SPART: variants seen among roughly 807,000 people sequenced by gnomAD.
SPART encodes the protein spartin.
SPART carries 35 observed loss-of-function variants against 58.7 expected under a neutral mutation model. The ratio of observed to expected loss-of-function variants is 0.60; its 90% CI spans 0.46 to 0.79. The LOEUF (loss-of-function observed/expected upper bound fraction) is 0.79. Among genes scored for constraint, SPART ranks in the 30% least tolerant of loss-of-function variants. The pLI is 0.00. For missense variants in SPART, 730 were observed against 786.1 expected, an observed-to-expected ratio of 0.93 and a Z score of 0.85; for synonymous variants, 284 against 280.7, an observed-to-expected ratio of 1.01 and a Z score of -0.12.
intron 6 of SPART, chr13:36,313,859 G>T: frequency 3.6e-6 from 1 of 277,274 alleles, no homozygotes; most frequent in South Asian, 4.1e-5. Flanking sequence ...AACAATACAT[G>T]ACTTTACATT....
intron 1 of SPART, among the ~76,000 whole-genome samples, chr13:36,362,293 A>G (rs1001355714): frequency 1.3e-5 from 2 of 148,292 alleles, no homozygotes; most frequent in Non-Finnish European, 3.0e-5. Flanking sequence ...TGGAGGTTGC[A>G]GTGAGCTGCA....
chr13:36,348,891 C>G (rs1206686501), upstream of SPART, among the ~76,000 whole-genome samples: 1 of 152,114 alleles, frequency 6.6e-6, no homozygotes, highest in Non-Finnish European at 1.5e-5. Flanking sequence ...CCAGAATAGC[C>G]ACATGAGCAC....
At chr13:36,310,926 A>C (rs973975402) in intron 8 of SPART, among the ~76,000 whole-genome samples, 12 of 151,908 alleles carry the variant, frequency 7.9e-5, no homozygotes, top group Admixed American at 3.3e-4. Context: ...GCCCTCATGC[A>C]TACCGCTCTT....
At chr13:36,350,964 C>T (rs1288949836), upstream of SPART, among the ~76,000 whole-genome samples, 2 of 151,852 alleles carry the variant, frequency 1.3e-5, no homozygotes, top group Non-Finnish European at 2.9e-5. Flanking sequence ...GTATACATAC[C>T]CCGGTCAAAT....
At chr13:36,325,109 G>A (rs1000483757) in intron 5 of SPART, among the ~76,000 whole-genome samples, 1 of 152,156 alleles carries the variant, frequency 6.6e-6, no homozygotes, top group Non-Finnish European at 1.5e-5. Context: ...TGATGGCTTG[G>A]CTTGGGCTCA....
intron 2 of SPART, 125 bp from the exon 3 acceptor site, chr13:36,331,721 A>G (rs1370668163): frequency 1.4e-6 from 1 of 721,554 alleles, no homozygotes; most frequent in African/African-American, 1.8e-5. Flanking sequence ...CATATTTTAA[A>G]AGGCTTTAAG....
chr13:36,315,067 C>G (rs1443043571), intron 5 of SPART, among the ~76,000 whole-genome samples: 1 of 152,218 alleles, frequency 6.6e-6, no homozygotes, highest in Non-Finnish European at 1.5e-5. Context: ...TAGAGAAAAT[C>G]TAAAAGAAGA....
chr13:36,323,177 A>T (rs1882588176), intron 5 of SPART, among the ~76,000 whole-genome samples: 1 of 152,206 alleles, frequency 6.6e-6, no homozygotes, highest in Admixed American at 6.5e-5. Flanking sequence ...AGCATTCCAG[A>T]GTCCATCTGT....
rs531373065 is a variant in SPART, at chr13:36,352,572, C to T, written c.-2-16740G>A. ...AGACAGATAAATGAGAGAATACTTA[C>T]ACAGCATTTTGTAATACTGTCACTA... On this transcript the variant is annotated intron_variant, in intron 1 of 8. Coordinates refer to the SPART transcript ENST00000355182. Among the ~76,000 whole-genome samples the T allele has an allele frequency of 2.6e-5, 4 of 152,192 alleles. No homozygotes were observed. The South Asian group carries it at 8.3e-4, about 32-fold the overall frequency.
chr13:36,313,670 T>C lies in SPART; in HGVS notation c.1483+557A>G, dbSNP rs370390878. 2.7e-3 allele frequency among the ~76,000 whole-genome samples: 415 copies of C among 152,338 alleles called. 2 individuals carry two copies. Among genetic ancestry groups the C allele is most frequent in the Middle Eastern group, 0.01 (3 of 294 alleles). On this transcript the variant is annotated intron_variant, in intron 6 of 8. Coordinates refer to ENST00000438666, the MANE Select transcript of SPART (RefSeq NM_015087.5). Reference sequence around the variant, plus strand: ...AAATACTTACCATTGTGTTACAATTTCCTATAGTATTCAGTACAGTCACAT... The same window carrying C: ...AAATACTTACCATTGTGTTACAATTCCCTATAGTATTCAGTACAGTCACAT...
At chr13:36,316,709 A>G (rs1423453026) in intron 5 of SPART, among the ~76,000 whole-genome samples, 2 of 152,172 alleles carry the variant, frequency 1.3e-5, no homozygotes, top group Non-Finnish European at 2.9e-5. Flanking sequence ...CCCAGGTGAA[A>G]TAAACAGCCT....
At position 36,316,921 on chromosome 13, in the gene SPART, C is replaced by T. The variant is rs188873313; in HGVS notation, c.1289-2500G>A. On this transcript the variant is annotated intron_variant, in intron 5 of 8. Coordinates refer to ENST00000438666, the MANE Select transcript of SPART (RefSeq NM_015087.5). ...TCTCACCAATTTCAAATCCGGTAAG[C>T]GGCCTCTTTTTACTCTCTTCTCCAA... Among the ~76,000 whole-genome samples the T allele has an allele frequency of 1.4e-4, 21 of 152,284 alleles. No homozygotes were observed. The East Asian group carries it at 2.5e-3, about 18-fold the overall frequency.
Position 36,335,433 on chromosome 13 carries a change from C to T in SPART, c.398G>A (p.Ser133Asn). The T allele has an allele frequency of 6.2e-7, 1 of 1,614,088 alleles. No homozygotes were observed. Among genetic ancestry groups the T allele is most frequent in the Non-Finnish European group, 8.5e-7 (1 of 1,180,004 alleles). ...TACTTCAGCATGCTGAGGAGCTGAA[C>T]TAAAAGACTGAGGCTCTGGTAATTT... ...CEKLPEPQSFSSAPQHAEVNG... is the reference protein window; with the variant it reads ...CEKLPEPQSFNSAPQHAEVNG... The change falls in exon 2 of 9, where the codon AGT becomes AAT. Residue 133 changes from serine to asparagine, a missense_variant. Ser to Asn is a conservative substitution (Grantham distance 46). Transcript: ENST00000438666.
chr13:36,339,378 A>G (rs1373985681), intron 1 of SPART, among the ~76,000 whole-genome samples: 1 of 152,000 alleles, frequency 6.6e-6, no homozygotes, highest in Non-Finnish European at 1.5e-5. Context: ...TGAATAATAA[A>G]ACTTCTAGAA....
At chr13:36,326,319 T>C (rs1882928560) in intron 5 of SPART, 4 of 468,582 alleles carry the variant, frequency 8.5e-6, no homozygotes, top group South Asian at 4.4e-5. Flanking sequence ...TATTAAGAAT[T>C]TGAAGATTCC....
intron 1 of SPART, among the ~76,000 whole-genome samples, chr13:36,369,131 A>G (rs573708289): frequency 3.3e-5 from 5 of 152,328 alleles, no homozygotes; most frequent in South Asian, 2.1e-4. Context: ...TCCAAGTGTC[A>G]TCATCTTATG....
In SPART at chr13:36,303,131, A is replaced by T. The variant is rs920923185; in HGVS notation, c.*1234T>A. 6.6e-6 allele frequency: 1 copy of T among 152,228 alleles called. No homozygotes were observed. The highest frequency in any genetic ancestry group is 1.5e-5 in the Non-Finnish European group (1 of 68,032). 9.4% of individuals were successfully genotyped at this position (152,228 alleles called of 1,614,324 possible). A position where few individuals can be genotyped will look rare whatever the true frequency, so the allele number is the denominator to read the frequency against. On this transcript the variant is annotated 3_prime_UTR_variant, in exon 9 of 9. Transcript: ENST00000438666. Reference sequence around the variant, plus strand: ...TGTTCCCAAAATATAAGCTCATGTGATAACGAGGTCAGGCAATTCAGTTTT... The same window carrying T: ...TGTTCCCAAAATATAAGCTCATGTGTTAACGAGGTCAGGCAATTCAGTTTT...
Position 36,326,560 on chromosome 13 carries a change from A to G in SPART, c.1288+15T>C. ...TAATGTCATACAGGGAAAAAAATTA[A>G]CATTACTGTAATACCTGACAAAATG... On this transcript the variant is annotated intron_variant, in intron 5 of 8. Coordinates refer to ENST00000438666, the MANE Select transcript of SPART (RefSeq NM_015087.5). 2 of 1,613,088 alleles carry G rather than the reference A, an allele frequency of 1.2e-6. No homozygotes were observed. Among genetic ancestry groups the G allele is most frequent in the Non-Finnish European group, 8.5e-7 (1 of 1,179,800 alleles).
Position 36,335,623 on chromosome 13 carries a change from C to A in SPART, c.208G>T (p.Gly70Trp), listed in dbSNP as rs1883927030. The change falls in exon 2 of 9, where the codon GGG becomes TGG. Residue 70 changes from glycine (G) to tryptophan (W), a missense_variant. Coordinates refer to ENST00000438666, the MANE Select transcript of SPART (RefSeq NM_015087.5). ...TGCATCTGTCTAGCAGATTCCCACC[C>A]AGGACCTGTGTGTTCAGACTCTTTT... ...SSKESEHTGP[G>W]WESARQMQQK... The A allele has an allele frequency of 6.2e-7, 1 of 1,614,064 alleles. No individual in the cohort carries two copies. Among genetic ancestry groups the A allele is most frequent in the Non-Finnish European group, 8.5e-7 (1 of 1,179,980 alleles).
Sources: gnomAD v4.1 joint callset for allele counts (sites outside exome capture counted in the v4.1 genomes callset) on GRCh38, gnomAD v4.1.1 for gene constraint, MANE v1.5 for transcripts, NCBI Gene and HGNC (gene_info 2026-07-23, HGNC 2026-07-21) for gene names.